PPP1R1B: variants seen among roughly 807,000 people sequenced by gnomAD.
PPP1R1B encodes protein phosphatase 1 regulatory subunit 1B.
A neutral mutation model predicts 28.2 loss-of-function variants in PPP1R1B; 13 were observed. That is an observed-to-expected ratio of 0.46 (90% confidence interval 0.30 to 0.73). PPP1R1B has a LOEUF of 0.73. Ranked by LOEUF, PPP1R1B falls within the 30% of genes least tolerant of loss-of-function variation. The pLI is 0.07. For synonymous variants in PPP1R1B, 102 were observed against 97.5 expected (o/e 1.05, Z -0.27); for missense variants, 236 against 256.7 (o/e 0.92, Z 0.55).
Position 39,636,009 on chromosome 17 carries a change from GTGTT to G in PPP1R1B, c.*147_*150del, listed in dbSNP as rs1435007895. On this transcript the variant is annotated 3_prime_UTR_variant, in exon 7 of 7. Coordinates refer to ENST00000254079, the MANE Select transcript of PPP1R1B (RefSeq NM_032192.4). The stretch of plus-strand genomic sequence containing the variant: ...ACTTCTAGAAGACTAAGGCTGGTCT[GTGTT>G]TGCTTGTTTGCCCACCTTTGGCTGA... 5 of 960,362 alleles carry G rather than the reference GTGTT, an allele frequency of 5.2e-6. No homozygotes were observed. The highest frequency in any genetic ancestry group is 7.6e-6 in the Non-Finnish European group (5 of 657,082). 59.5% of individuals were successfully genotyped at this position (960,362 alleles called of 1,614,324 possible). A position where few individuals can be genotyped will look rare whatever the true frequency, so the allele number is the denominator to read the frequency against.
chr17:39,634,267 C>T (rs976981657), intron 5 of PPP1R1B, among the ~76,000 whole-genome samples, 181 bp downstream of exon 5: 4 of 152,246 alleles, frequency 2.6e-5, no homozygotes, highest in Admixed American at 6.5e-5. Context: ...GGGTTTCCTC[C>T]ATCCTTGGCT....
Position 39,629,622 on chromosome 17 carries a change from G to T in PPP1R1B, c.165+60G>T, listed in dbSNP as rs111860682. On this transcript the variant is annotated intron_variant, in intron 3 of 6. Coordinates refer to ENST00000254079, the MANE Select transcript of PPP1R1B (RefSeq NM_032192.4). ...CTGGGCCCCTTGGGGTGGGGTGGAC[G>T]GGTGCCTGCAGTGACAACCAACCAG... 1.1e-5 allele frequency: 18 copies of T among 1,588,822 alleles called. No homozygotes were observed. In the Admixed American group the frequency reaches 1.9e-4, roughly 16 times the overall value.
Position 39,629,171 on chromosome 17 carries a change from TC to T in PPP1R1B, c.85del (p.Arg29GlyfsTer51). 1 of 1,613,382 alleles carries T rather than the reference TC, an allele frequency of 6.2e-7. No homozygotes were observed. Among genetic ancestry groups the T allele is most frequent in the South Asian group, 1.1e-5 (1 of 91,068 alleles). ...TCACCCCTCCCTCCATCTCCTTAGATCCGGCGCAGGAGACCAACGCCTGCCA... is the reference window on the plus strand; with the variant it reads ...TCACCCCTCCCTCCATCTCCTTAGATCGGCGCAGGAGACCAACGCCTGCCA... The part of the protein sequence containing the change: ...SQLDPRQVEM[I>X]RRRRPTPAML... On this transcript the variant is annotated frameshift_variant and splice_region_variant, in exon 2 of 7. Transcript: ENST00000254079. LOFTEE classifies it high-confidence loss of function.
Position 39,636,234 on chromosome 17 carries a change from AGAT to A in PPP1R1B, c.*370_*372del, listed in dbSNP as rs1290162052. 1 of 222,240 alleles carries A rather than the reference AGAT, an allele frequency of 4.5e-6. No homozygotes were observed. Among genetic ancestry groups the A allele is most frequent in the Admixed American group, 5.2e-5 (1 of 19,342 alleles). The allele number at this position is 222,240 out of a possible 1,614,324, so 13.8% of individuals were successfully genotyped here. A position where few individuals can be genotyped will look rare whatever the true frequency, so the allele number is the denominator to read the frequency against. Reference sequence around the variant, plus strand: ...AGGAGACCCACAGGGCAGGACCCTAAGATCTGGGGAAAGGAGGTCCTGAGAACC... The same window carrying A: ...AGGAGACCCACAGGGCAGGACCCTAACTGGGGAAAGGAGGTCCTGAGAACC... On this transcript the variant is annotated 3_prime_UTR_variant, in exon 7 of 7. Transcript: ENST00000254079.
At chr17:39,635,785 G>A in intron 6 of PPP1R1B, 31 bp from the exon 7 acceptor site, 1 of 1,613,386 alleles carries the variant, frequency 6.2e-7, no homozygotes, top group Non-Finnish European at 8.5e-7. Context: ...GGTGGGGCCA[G>A]GCCCTGAGTC....
chr17:39,633,673 C>A, intron 4 of PPP1R1B: 1 of 707,110 alleles, frequency 1.4e-6, no homozygotes, highest in Non-Finnish European at 2.2e-6. Context: ...AAGAGCCAAA[C>A]ATGATCAAAT....
intron 2 of PPP1R1B, 97 bp from the exon 3 acceptor site, chr17:39,629,443 A>G (rs1373514065): frequency 1.3e-6 from 2 of 1,500,874 alleles, no homozygotes; most frequent in East Asian, 4.5e-5. Flanking sequence ...AGAGATTGAG[A>G]CCCTGGGGAA....
chr17:39,635,531 A>G, intron 5 of PPP1R1B, 76 bp from the exon 6 acceptor site: 1 of 1,548,446 alleles, frequency 6.5e-7, no homozygotes, highest in Non-Finnish European at 8.8e-7. Flanking sequence ...CAGCCATCAG[A>G]CACTTAGCTC....
At position 39,629,810 on chromosome 17, in the gene PPP1R1B, C is replaced by G. The variant is rs2056862910; in HGVS notation, c.166-162C>G. 4.6e-6 allele frequency: 4 copies of G among 866,592 alleles called. No homozygotes were observed. The Admixed American group carries it at 7.0e-5, about 15-fold the overall frequency. 53.7% of individuals were successfully genotyped at this position (866,592 alleles called of 1,614,324 possible). A position where few individuals can be genotyped will look rare whatever the true frequency, so the allele number is the denominator to read the frequency against. ...GAACCAGGCCATGGCTTATGGGGGG[C>G]CCCCCCTAAAGCCACAGGGTGGGGA... On this transcript the variant is annotated intron_variant, in intron 3 of 6. Coordinates refer to ENST00000254079, the MANE Select transcript of PPP1R1B (RefSeq NM_032192.4).
At chr17:39,629,123 GA>G in intron 1 of PPP1R1B, 46 bp from the exon 2 acceptor site, 1 of 1,577,008 alleles carries the variant, frequency 6.3e-7, no homozygotes, top group African/African-American at 1.3e-5. Context: ...GGGGGTGGGG[GA>G]GGGCTGCAGG....
At chr17:39,630,176 A>G in intron 4 of PPP1R1B, 129 bp downstream of exon 4, 1 of 885,374 alleles carries the variant, frequency 1.1e-6, no homozygotes, top group Non-Finnish European at 1.8e-6. Flanking sequence ...GTGGCGCAAC[A>G]ACCCAACGTA....
In PPP1R1B at chr17:39,636,094, C is replaced by G; in HGVS notation, c.*229C>G. ...ATGCCCACCCCTGCCAGTCATTCCT[C>G]CATTCACCCAGCGGGAGGTGGGATG... On this transcript the variant is annotated 3_prime_UTR_variant, in exon 7 of 7. Transcript: ENST00000254079. The G allele has an allele frequency of 1.2e-5, 7 of 570,180 alleles. No homozygotes were observed. The South Asian group carries it at 1.5e-4, about 12-fold the overall frequency. The allele number at this position is 570,180 out of a possible 1,614,324, so 35.3% of individuals were successfully genotyped here.
chr17:39,631,539 C>G (rs759078818), intron 4 of PPP1R1B, among the ~76,000 whole-genome samples: 2 of 152,196 alleles, frequency 1.3e-5, no homozygotes, highest in Non-Finnish European at 2.9e-5. Context: ...TCTTCCTGCC[C>G]GGCCAGCCCC....
intron 4 of PPP1R1B, chr17:39,632,651 C>T (rs2056887350): frequency 6.6e-6 from 1 of 152,250 alleles, no homozygotes; most frequent in African/African-American, 2.4e-5. Flanking sequence ...CTGCCGCGTC[C>T]CCAAGGTCAG....
chr17:39,631,560 GCGGAGGTTGGGAGGGAGAGCTAC>G (rs2056877919), intron 4 of PPP1R1B, among the ~76,000 whole-genome samples: 1 of 152,076 alleles, frequency 6.6e-6, no homozygotes, highest in African/African-American at 2.4e-5. Context: ...CTCCGCTCCT[GCGGAGGTTGGGAGGGAGAGCTAC>G]CGGAAGAGTA....
rs949093106 is a variant in PPP1R1B at position 39,627,160 on chromosome 17, C to A, written c.-233C>A. 7 of 474,650 alleles carry A rather than the reference C, an allele frequency of 1.5e-5. No homozygotes were observed. The highest frequency in any genetic ancestry group is 2.2e-5 in the Non-Finnish European group (6 of 270,704). The allele number at this position is 474,650 out of a possible 1,614,324, so 29.4% of individuals were successfully genotyped here. A position where few individuals can be genotyped will look rare whatever the true frequency, so the allele number is the denominator to read the frequency against. On this transcript the variant is annotated 5_prime_UTR_variant, in exon 1 of 7. Transcript: ENST00000254079. Reference sequence around the variant, plus strand: ...CGAGGCACAGACCTGGCTCAGCGAGCGCGGGGGGCGAGCCCCGAGTCCCGA... The same window carrying A: ...CGAGGCACAGACCTGGCTCAGCGAGAGCGGGGGGCGAGCCCCGAGTCCCGA...
intron 4 of PPP1R1B, chr17:39,630,417 T>C (rs1053964143): frequency 3.7e-5 from 11 of 299,750 alleles, no homozygotes; most frequent in African/African-American, 1.1e-4. Context: ...CCTGTGGGCT[T>C]CACCCCTGGC....
chr17:39,628,629 G>C (rs2144834665), intron 1 of PPP1R1B: 1 of 986,452 alleles, frequency 1.0e-6, no homozygotes, highest in Non-Finnish European at 1.2e-6. Context: ...GGAGGTGGGG[G>C]GTGCCTGCAG....
In PPP1R1B at chr17:39,629,524, T is replaced by C. The variant is rs1206140071; in HGVS notation, c.143-16T>C. The C allele has an allele frequency of 2.5e-6, 4 of 1,613,692 alleles. No homozygotes were observed. In the African/African-American group the frequency reaches 4.0e-5, roughly 16 times the overall value. ...CGCTTGGTTCTGGTTCGGTTGGCTT[T>C]GGTGGCCTTCCTCAGAGGAGGAAGC... is the stretch of plus-strand genomic sequence containing the variant. On this transcript the variant is annotated splice_polypyrimidine_tract_variant and intron_variant, in intron 2 of 6. Coordinates refer to ENST00000254079, the MANE Select transcript of PPP1R1B (RefSeq NM_032192.4).
Sources: gnomAD v4.1 joint callset for allele counts (sites outside exome capture counted in the v4.1 genomes callset) on GRCh38, gnomAD v4.1.1 for gene constraint, MANE v1.5 for transcripts, NCBI Gene and HGNC (gene_info 2026-07-23, HGNC 2026-07-21) for gene names.